Variants in KALRN observed in about 807,000 individuals in gnomAD.
KALRN encodes kalirin.
KALRN carries 70 observed loss-of-function variants against 353.7 expected under a neutral mutation model. The observed-to-expected ratio is 0.20, with a 90% CI of 0.16 to 0.24. The LOEUF (loss-of-function observed/expected upper bound fraction) is 0.24, where lower values mean the gene tolerates loss of function less well. KALRN is among the 10% of genes least tolerant of loss of function. The probability of loss-of-function intolerance (pLI) is 1.00; values close to 1 mark genes in which losing one functional copy is unlikely to be tolerated. For missense variants in KALRN, 2,791 were observed against 3,756.7 expected (o/e 0.74, Z 6.72); for synonymous variants, 1,391 against 1,434.8 (o/e 0.97, Z 0.69).
At chr3:124,288,682 G>A (rs2076161894) in intron 5 of KALRN, among the ~76,000 whole-genome samples, 1 of 152,186 alleles carries the variant, frequency 6.6e-6, no homozygotes, top group African/African-American at 2.4e-5. Context: ...AACCTGATGG[G>A]GTCCGATGGC....
In KALRN at chr3:124,628,555, CTTTTCTTTTCTTTTCATTT is replaced by C. The variant is rs1166005749; in HGVS notation, c.5183-3864_5183-3846del. 1.8e-4 allele frequency among the ~76,000 whole-genome samples: 22 copies of C among 122,004 alleles called. No homozygotes were observed. The East Asian group carries it at 4.0e-3, about 22-fold the overall frequency. The allele number at this position is 122,004 out of a possible 152,430, so 80.0% of individuals were successfully genotyped here. ...TTCCTTCCTTTCTTTCCTTTTCTTT[CTTTTCTTTTCTTTTCATTT>C]CTTTTCTTCTCATTTCTTTTCTTCT... is the stretch of plus-strand genomic sequence containing the variant. On this transcript the variant is annotated intron_variant, in intron 34 of 59. Transcript: ENST00000682506.
At position 124,657,444 on chromosome 3, in the gene KALRN, G is replaced by T; in HGVS notation, c.5863-4G>T. 6.2e-7 allele frequency: 1 copy of T among 1,608,174 alleles called. No homozygotes were observed. The highest frequency in any genetic ancestry group is 8.5e-7 in the Non-Finnish European group (1 of 1,174,530). The stretch of plus-strand genomic sequence containing the variant: ...GCTACTAACCATTGCCTTTGCTGCT[G>T]CAGGGCTTCATGAAGAGAATAGAAG... On this transcript the variant is annotated splice_region_variant and splice_polypyrimidine_tract_variant and intron_variant, in intron 39 of 59. Coordinates refer to ENST00000682506, the MANE Select transcript of KALRN (RefSeq NM_001388419.1).
intron 1 of KALRN, among the ~76,000 whole-genome samples, chr3:124,048,942 C>T (rs2040776716): frequency 6.6e-6 from 1 of 152,136 alleles, no homozygotes; most frequent in South Asian, 2.1e-4. Flanking sequence ...AAAGGCCATT[C>T]ATTTTTTTGA....
chr3:124,469,611 C>G (rs552140278), intron 25 of KALRN, among the ~76,000 whole-genome samples: 14 of 152,290 alleles, frequency 9.2e-5, no homozygotes, highest in Admixed American at 3.3e-4. Context: ...GAAAAGAAGG[C>G]AATGTCCTGG....
chr3:124,067,717 C>T (rs1165413619), intron 1 of KALRN, among the ~76,000 whole-genome samples: 3 of 152,214 alleles, frequency 2.0e-5, no homozygotes, highest in Non-Finnish European at 4.4e-5. Context: ...AGCAGGAGGG[C>T]ACAGCAGGTA....
chr3:124,197,672 C>G (rs1349863374), intron 1 of KALRN, among the ~76,000 whole-genome samples: 2 of 152,200 alleles, frequency 1.3e-5, no homozygotes, highest in Non-Finnish European at 2.9e-5. Context: ...GCCACTTGCT[C>G]CAGCCCTTTA....
chr3:124,253,363 C>T (rs1460024408), intron 3 of KALRN, among the ~76,000 whole-genome samples: 1 of 152,236 alleles, frequency 6.6e-6, no homozygotes, highest in African/African-American at 2.4e-5. Flanking sequence ...GACATGGGTG[C>T]AGCACAGTTC....
chr3:124,633,016 T>C (rs1252668597), intron 35 of KALRN, among the ~76,000 whole-genome samples: 1 of 152,190 alleles, frequency 6.6e-6, no homozygotes, highest in African/African-American at 2.4e-5. Context: ...CAGCTAGACC[T>C]GTTTAGATTT....
chr3:124,148,745 G>A (rs866752789), intron 1 of KALRN, among the ~76,000 whole-genome samples: 1 of 152,008 alleles, frequency 6.6e-6, no homozygotes, highest in African/African-American at 2.4e-5. Context: ...ATAGGTAAAG[G>A]TTCTTAAATT....
chr3:124,623,427 C>CACACACACACACAA (rs139583497), intron 34 of KALRN, among the ~76,000 whole-genome samples: 2 of 147,016 alleles, frequency 1.4e-5, no homozygotes, highest in African/African-American at 5.0e-5. Context: ...CACACACACA[C>CACACACACACACAA]AAAAGGGAGT....
At chr3:124,556,396 A>G (rs949752363) in intron 33 of KALRN, among the ~76,000 whole-genome samples, 1 of 152,100 alleles carries the variant, frequency 6.6e-6, no homozygotes, top group Non-Finnish European at 1.5e-5. Flanking sequence ...TGCTTTACAC[A>G]TTTGCTAAAA....
At chr3:124,655,547 AT>A in intron 38 of KALRN, 53 bp from the exon 39 acceptor site, 1 of 1,447,744 alleles carries the variant, frequency 6.9e-7, no homozygotes, top group Non-Finnish European at 9.7e-7. Flanking sequence ...TTAAGTGAAG[AT>A]TTTTGGCTTA....
intron 1 of KALRN, among the ~76,000 whole-genome samples, chr3:124,080,986 G>A (rs1257000190): frequency 6.6e-6 from 1 of 152,146 alleles, no homozygotes. Context: ...AAAGCTCACT[G>A]TATGCTCCTA....
chr3:124,496,422 G>C lies in KALRN; in HGVS notation c.4935+9G>C. 1.3e-6 allele frequency: 2 copies of C among 1,588,844 alleles called. No homozygotes were observed. Among genetic ancestry groups the C allele is most frequent in the Non-Finnish European group, 8.6e-7 (1 of 1,157,134 alleles). ...CAGTGGACAGTGACAAGGTAGGACA[G>C]AGTCCTAACCTTCCTTCCCCTGAGA... On this transcript the variant is annotated intron_variant, in intron 33 of 59. Coordinates refer to ENST00000682506, the MANE Select transcript of KALRN (RefSeq NM_001388419.1).
In KALRN at chr3:124,249,271, T is replaced by C. The variant is rs11919128; in HGVS notation, c.263+14328T>C. 7.3e-3 allele frequency among the ~76,000 whole-genome samples: 1,112 copies of C among 152,272 alleles called. 1 individual carries two copies. Among genetic ancestry groups the C allele is most frequent in the Non-Finnish European group, 0.012 (832 of 68,006 alleles). On this transcript the variant is annotated intron_variant, in intron 3 of 59. Coordinates refer to ENST00000682506, the MANE Select transcript of KALRN (RefSeq NM_001388419.1). Reference sequence around the variant, plus strand: ...TGCCTTCAGGAGGTTTGTGGTCTGGTTAAGGTTTCAGAATCCACAGGAGAA... The same window carrying C: ...TGCCTTCAGGAGGTTTGTGGTCTGGCTAAGGTTTCAGAATCCACAGGAGAA...
At chr3:124,578,628 G>C (rs1035508113) in intron 34 of KALRN, among the ~76,000 whole-genome samples, 6 of 152,300 alleles carry the variant, frequency 3.9e-5, no homozygotes, top group Admixed American at 1.3e-4. Context: ...GATTGGCCGG[G>C]CTTGGTGACG....
At position 124,239,093 on chromosome 3, in the gene KALRN, C is replaced by A. The variant is rs115511850; in HGVS notation, c.263+4150C>A. Among the ~76,000 whole-genome samples the A allele has an allele frequency of 2.4e-3, 369 of 152,278 alleles. 3 individuals carry two copies. The highest frequency in any genetic ancestry group is 8.6e-3 in the African/African-American group (357 of 41,564). Reference sequence around the variant, plus strand: ...CTGTCATCCACCTACACTTATCTAACATTTTTTTGTCCTGGTCTGCTGTCT... The same window carrying A: ...CTGTCATCCACCTACACTTATCTAAAATTTTTTTGTCCTGGTCTGCTGTCT... On this transcript the variant is annotated intron_variant, in intron 3 of 59. Coordinates refer to ENST00000682506, the MANE Select transcript of KALRN (RefSeq NM_001388419.1).
intron 10 of KALRN, among the ~76,000 whole-genome samples, chr3:124,368,122 A>G (rs374030881): frequency 1.8e-3 from 34 of 19,218 alleles, no homozygotes; most frequent in South Asian, 2.5e-3. Flanking sequence ...CGGACGGGGC[A>G]GCTGGCCAGG....
chr3:124,148,128 G>A (rs1055333612), intron 1 of KALRN, among the ~76,000 whole-genome samples: 8 of 152,162 alleles, frequency 5.3e-5, no homozygotes, highest in Admixed American at 3.9e-4. Flanking sequence ...AATGCAGCAG[G>A]GATGTAGTCG....
Sources: gnomAD v4.1 joint callset for allele counts (sites outside exome capture counted in the v4.1 genomes callset) on GRCh38, gnomAD v4.1.1 for gene constraint, MANE v1.5 for transcripts, NCBI Gene and HGNC (gene_info 2026-07-23, HGNC 2026-07-21) for gene names.